The following MAGI2 variants were observed in gnomAD, a reference collection of about 807,000 sequenced individuals.
MAGI2 encodes the protein membrane-associated guanylate kinase, WW and PDZ domain-containing protein 2.
A neutral mutation model predicts 133.3 loss-of-function variants in MAGI2; 35 were observed. That is an observed-to-expected ratio of 0.26 (90% CI 0.20 to 0.35). The LOEUF (loss-of-function observed/expected upper bound fraction) is 0.35. Ranked by LOEUF, MAGI2 falls within the 10% of genes least tolerant of loss-of-function variation. MAGI2 has a pLI of 1.00. For synonymous variants in MAGI2, 729 were observed against 710.6 expected (o/e 1.03, Z -0.41); for missense variants, 1,636 against 1,863.4 (o/e 0.88, Z 2.25).
At chr7:78,670,035 C>T (rs1814162734) in intron 2 of MAGI2, among the ~76,000 whole-genome samples, 1 of 151,574 alleles carries the variant, frequency 6.6e-6, no homozygotes, top group Non-Finnish European at 1.5e-5. Flanking sequence ...CCTCTCTCAC[C>T]ACTCCTATTC....
At chr7:78,882,080 C>CAAAAAAAAA (rs1563618797) in intron 2 of MAGI2, among the ~76,000 whole-genome samples, 2 of 15,002 alleles carry the variant, frequency 1.3e-4, no homozygotes, top group Admixed American at 8.7e-4. Context: ...ACAACAACAA[C>CAAAAAAAAA]AACAACAAAA....
chr7:78,210,368 A>G (rs1787652981), intron 10 of MAGI2, among the ~76,000 whole-genome samples: 1 of 152,082 alleles, frequency 6.6e-6, no homozygotes, highest in Non-Finnish European at 1.5e-5. Flanking sequence ...AGTCCCGGAG[A>G]TTTGCTGGGG....
chr7:78,135,355 G>A, intron 16 of MAGI2, 149 bp from the exon 17 acceptor site: 1 of 701,764 alleles, frequency 1.4e-6, no homozygotes, highest in Middle Eastern at 2.9e-4. Flanking sequence ...CTATCAAATG[G>A]GGTCCTGTGC....
chr7:78,213,121 T>C (rs146698078), intron 10 of MAGI2, among the ~76,000 whole-genome samples: 3 of 152,240 alleles, frequency 2.0e-5, no homozygotes, highest in Admixed American at 6.5e-5. Flanking sequence ...TACCAGAATA[T>C]GCCTAAGTGT....
chr7:78,391,077 A>T (rs1429218375), intron 6 of MAGI2, among the ~76,000 whole-genome samples: 2 of 152,202 alleles, frequency 1.3e-5, no homozygotes, highest in East Asian at 3.8e-4. Flanking sequence ...GCAAGGAAAG[A>T]CTTGGCCCCT....
chr7:78,735,965 C>A (rs1821809841), intron 2 of MAGI2, among the ~76,000 whole-genome samples: 1 of 152,174 alleles, frequency 6.6e-6, no homozygotes, highest in African/African-American at 2.4e-5. Context: ...ACATAACAAT[C>A]ATTATTGATC....
rs181794737 is a variant in MAGI2, at chr7:78,634,005, G to A, written c.419-6766C>T. ...AACTACAATTTCACAAATATCATTG[G>A]TGGTATCTTACTTTTGGAGTGTATT... On this transcript the variant is annotated intron_variant, in intron 2 of 21. Transcript: ENST00000354212. Among the ~76,000 whole-genome samples, 408 of 152,196 alleles carry A rather than the reference G, an allele frequency of 2.7e-3. 5 individuals are homozygous for A. Among genetic ancestry groups the A allele is most frequent in the African/African-American group, 9.1e-3 (377 of 41,518 alleles).
At chr7:78,617,195 G>T (rs1042483589) in intron 3 of MAGI2, 1 of 152,100 alleles carries the variant, frequency 6.6e-6, no homozygotes, top group African/African-American at 2.4e-5. Context: ...ACAAATTCAA[G>T]ATCCTGTGTG....
chr7:78,684,520 T>C (rs1816057866), intron 2 of MAGI2, among the ~76,000 whole-genome samples: 1 of 152,174 alleles, frequency 6.6e-6, no homozygotes, highest in Admixed American at 6.6e-5. Flanking sequence ...TTTTCAGAGT[T>C]TCACTTTAAT....
At chr7:78,526,208 G>C (rs2150602151) in intron 3 of MAGI2, among the ~76,000 whole-genome samples, 1 of 152,284 alleles carries the variant, frequency 6.6e-6, no homozygotes. Flanking sequence ...AACCTGCCCA[G>C]AACTCATAGA....
At chr7:78,764,097 G>A (rs1824776548) in intron 2 of MAGI2, among the ~76,000 whole-genome samples, 1 of 152,198 alleles carries the variant, frequency 6.6e-6, no homozygotes, top group Non-Finnish European at 1.5e-5. Flanking sequence ...TCCTCCTCAT[G>A]CTCTGGTGTG....
intron 2 of MAGI2, among the ~76,000 whole-genome samples, chr7:78,955,799 G>A (rs527270620): frequency 1.6e-4 from 11 of 69,776 alleles, no homozygotes; most frequent in Non-Finnish European, 3.3e-4. Context: ...CATTTCTTTC[G>A]TTCATTCTTT....
At chr7:78,910,093 CATGG>C (rs1043962099) in intron 2 of MAGI2, among the ~76,000 whole-genome samples, 1 of 151,794 alleles carries the variant, frequency 6.6e-6, no homozygotes, top group African/African-American at 2.4e-5. Flanking sequence ...AATGAGAACA[CATGG>C]ACACAGGGAG....
Position 79,278,274 on chromosome 7 carries a change from C to T in MAGI2, c.301+174746G>A, listed in dbSNP as rs539020829. Among the ~76,000 whole-genome samples, 20 of 152,296 alleles carry T rather than the reference C, an allele frequency of 1.3e-4. No individual in the cohort carries two copies. In the East Asian group the frequency reaches 3.5e-3, roughly 26 times the overall value. ...CTTCACCTTCTGCCATTAGTAAAAG[C>T]TCCCTGAGGCTTCCTCAGAAGCCAA... On this transcript the variant is annotated intron_variant, in intron 1 of 21. Transcript: ENST00000354212.
intron 1 of MAGI2, among the ~76,000 whole-genome samples, chr7:79,075,624 A>T (rs1196014863): frequency 4.6e-5 from 7 of 152,002 alleles, no homozygotes; most frequent in Admixed American, 3.9e-4. Context: ...TTAGCCATGC[A>T]TGGTGGTGTG....
At position 78,870,743 on chromosome 7, in the gene MAGI2, G is replaced by A. The variant is rs1231738841; in HGVS notation, c.418+136347C>T. On this transcript the variant is annotated intron_variant, in intron 2 of 21. Coordinates refer to ENST00000354212, the MANE Select transcript of MAGI2 (RefSeq NM_012301.4). Reference sequence around the variant, plus strand: ...AAATCATTATATGAAAAAGACACTTGCACAATCATGTTTTAGCAGCACAAT... The same window carrying A: ...AAATCATTATATGAAAAAGACACTTACACAATCATGTTTTAGCAGCACAAT... 2.3e-4 allele frequency among the ~76,000 whole-genome samples: 35 copies of A among 152,086 alleles called. 1 individual carries two copies. Among genetic ancestry groups the A allele is most frequent in the Non-Finnish European group, 4.4e-5 (3 of 68,026 alleles).
At chr7:78,788,044 C>T (rs531335261) in intron 2 of MAGI2, among the ~76,000 whole-genome samples, 130 of 152,274 alleles carry the variant, frequency 8.5e-4, no homozygotes, top group Non-Finnish European at 1.6e-3. Context: ...GTGTGTGATG[C>T]CAAGGCACAG....
chr7:78,657,897 T>C (rs747628032), intron 2 of MAGI2, among the ~76,000 whole-genome samples: 1 of 152,176 alleles, frequency 6.6e-6, no homozygotes, highest in Non-Finnish European at 1.5e-5. Context: ...TATGCATATA[T>C]GAAGGTGGAG....
At chr7:79,330,294 T>C (rs892862511) in intron 1 of MAGI2, among the ~76,000 whole-genome samples, 4 of 148,310 alleles carry the variant, frequency 2.7e-5, no homozygotes, top group South Asian at 4.4e-4. Flanking sequence ...TCCAGGTTCA[T>C]GCCATTCTTC....
Sources: allele counts gnomAD v4.1 joint callset (sites outside exome capture counted in the v4.1 genomes callset), GRCh38; gene constraint gnomAD v4.1.1; transcripts MANE v1.5; gene names NCBI Gene and HGNC (gene_info 2026-07-23, HGNC 2026-07-21).